Variants in RBFOX1 observed in about 807,000 individuals in gnomAD.
The protein encoded by RBFOX1 is RNA binding fox-1 homolog 1.
In RBFOX1, 8 loss-of-function variants were observed where a neutral mutation model predicts 57.7. The ratio of observed to expected loss-of-function variants is 0.14; its 90% CI spans 0.08 to 0.25. The LOEUF (loss-of-function observed/expected upper bound fraction) is 0.25. Among genes scored for constraint, RBFOX1 ranks in the 10% least tolerant of loss-of-function variants. RBFOX1 has a pLI of 1.00. For missense variants in RBFOX1, 611 were observed against 548.5 expected (o/e 1.11, Z -1.14); for synonymous variants, 326 against 222.4 (o/e 1.47, Z -4.15).
downstream of RBFOX1, among the ~76,000 whole-genome samples, chr16:5,604,080 A>G (rs975030934): frequency 2.0e-5 from 3 of 152,172 alleles, no homozygotes; most frequent in African/African-American, 7.2e-5. Context: ...CTCCCCTTCT[A>G]TAGCCAAGGC....
intron 1 of RBFOX1, among the ~76,000 whole-genome samples, chr16:6,304,963 C>A (rs2152749677): frequency 6.7e-6 from 1 of 149,218 alleles, no homozygotes; most frequent in East Asian, 2.0e-4. Flanking sequence ...CCAATGACAA[C>A]AATCAACAGA....
chr16:6,101,709 G>C (rs112231088), intron 1 of RBFOX1, among the ~76,000 whole-genome samples: 8,689 of 152,214 alleles, frequency 0.057, 779 homozygotes, highest in African/African-American at 0.2. Context: ...ATCACCTGAG[G>C]TCAGGAATTT....
chr16:6,175,571 A>G (rs1258846656), intron 1 of RBFOX1, among the ~76,000 whole-genome samples: 3 of 152,144 alleles, frequency 2.0e-5, no homozygotes, highest in African/African-American at 7.2e-5. Flanking sequence ...TGTGCATAGC[A>G]CCTAGTAATA....
At chr16:6,942,456 G>C (rs548205696) in intron 3 of RBFOX1, among the ~76,000 whole-genome samples, 1 of 152,218 alleles carries the variant, frequency 6.6e-6, no homozygotes, top group South Asian at 2.1e-4. Context: ...ATTGTGCCCA[G>C]CCAGGATGAG....
chr16:5,993,705 A>C (rs1239797902), intron 4 of RBFOX1, among the ~76,000 whole-genome samples: 1 of 152,162 alleles, frequency 6.6e-6, no homozygotes, highest in Admixed American at 6.5e-5. Context: ...GCATTAATTA[A>C]TATCATTTGA....
intron 4 of RBFOX1, among the ~76,000 whole-genome samples, chr16:6,009,480 T>A (rs2094947200): frequency 6.6e-6 from 1 of 152,168 alleles, no homozygotes; most frequent in Admixed American, 6.5e-5. Context: ...TCCAGGGACT[T>A]AGAAATGGCA....
intron 2 of RBFOX1, among the ~76,000 whole-genome samples, chr16:6,536,785 A>C (rs915654014): frequency 6.6e-6 from 1 of 152,206 alleles, no homozygotes; most frequent in Non-Finnish European, 1.5e-5. Flanking sequence ...ACAAGAAGTT[A>C]GTAACATTGA....
At chr16:5,528,731 C>G (rs975973499) in intron 2 of RBFOX1, among the ~76,000 whole-genome samples, 2 of 151,666 alleles carry the variant, frequency 1.3e-5, no homozygotes, top group African/African-American at 4.8e-5. Flanking sequence ...CTCACTGCAA[C>G]CTCCACCTCC....
At chr16:5,978,069 ACTTGCAGG>A in intron 4 of RBFOX1, among the ~76,000 whole-genome samples, 1 of 138,624 alleles carries the variant, frequency 7.2e-6, no homozygotes, top group Non-Finnish European at 1.5e-5. Flanking sequence ...TGGAAGGATC[ACTTGCAGG>A]GCAGGAGTTT....
At chr16:6,675,562 C>T (rs537467627) in intron 3 of RBFOX1, among the ~76,000 whole-genome samples, 1 of 152,104 alleles carries the variant, frequency 6.6e-6, no homozygotes, top group Non-Finnish European at 1.5e-5. Context: ...AGTCTGTTTT[C>T]ACACTGCTGA....
Position 5,509,724 on chromosome 16 carries a change from C to T in RBFOX1, c.258+42470C>T, listed in dbSNP as rs1384466141. Among the ~76,000 whole-genome samples, 3 of 152,144 alleles carry T rather than the reference C, an allele frequency of 2.0e-5. No homozygotes were observed. In the East Asian group the frequency reaches 5.8e-4, roughly 29 times the overall value. On this transcript the variant is annotated intron_variant, in intron 2 of 2. Transcript: ENST00000585867. ...GATGGAGGAGGGAGAGCTTTCGGGGCTTGGGCCAGGCGTGGACGTTAAGGC... is the reference window on the plus strand; with the variant it reads ...GATGGAGGAGGGAGAGCTTTCGGGGTTTGGGCCAGGCGTGGACGTTAAGGC...
intron 1 of RBFOX1, among the ~76,000 whole-genome samples, chr16:6,119,929 T>C (rs980823260): frequency 4.6e-5 from 7 of 152,222 alleles, no homozygotes; most frequent in Non-Finnish European, 7.3e-5. Context: ...CAGTAAGCAG[T>C]CACTCTTATT....
intron 3 of RBFOX1, among the ~76,000 whole-genome samples, chr16:5,637,502 C>T (rs881006): frequency 0.079 from 12,082 of 152,214 alleles, 1,021 homozygotes; most frequent in East Asian, 0.37. Flanking sequence ...AAGCTAATGT[C>T]TATAATGTGC....
rs962844654 is a variant in RBFOX1 at position 5,674,401 on chromosome 16, T to C, written c.318+75440T>C. On this transcript the variant is annotated intron_variant, in intron 3 of 19. Transcript: ENST00000641259. The stretch of plus-strand genomic sequence containing the variant: ...GTTTGCAAGTGGGGGAGCTGAAGTT[T>C]AGTGAGGTAGGGGTAACATGCCCGG... 2.3e-4 allele frequency among the ~76,000 whole-genome samples: 35 copies of C among 152,144 alleles called. 1 individual carries two copies. Among genetic ancestry groups the C allele is most frequent in the Admixed American group, 2.1e-3 (32 of 15,274 alleles).
In RBFOX1 at chr16:5,372,226, G is replaced by C. The variant is rs529705467; in HGVS notation, c.220-94990G>C. On this transcript the variant is annotated intron_variant, in intron 1 of 2. Transcript: ENST00000585867. The stretch of plus-strand genomic sequence containing the variant: ...GCCAGCTGGGATGTTGTTCTGTCTC[G>C]GAAGGGTTTCACGGGTCCACTGCAA... Among the ~76,000 whole-genome samples, 65 of 152,148 alleles carry C rather than the reference G, an allele frequency of 4.3e-4. 1 individual carries two copies. Among genetic ancestry groups the C allele is most frequent in the Non-Finnish European group, 8.8e-5 (6 of 68,024 alleles).
chr16:5,758,974 G>C (rs1325404375), intron 3 of RBFOX1, among the ~76,000 whole-genome samples: 1 of 152,138 alleles, frequency 6.6e-6, no homozygotes, highest in Non-Finnish European at 1.5e-5. Flanking sequence ...TGATACATTG[G>C]GAAGACACCA....
At chr16:5,410,860 G>C (rs906430150) in intron 1 of RBFOX1, among the ~76,000 whole-genome samples, 2 of 152,202 alleles carry the variant, frequency 1.3e-5, no homozygotes, top group African/African-American at 4.8e-5. Flanking sequence ...ATATACGCAT[G>C]GATTTAAATC....
At chr16:5,596,583 G>C (rs1317437099) in intron 2 of RBFOX1, among the ~76,000 whole-genome samples, 1 of 152,178 alleles carries the variant, frequency 6.6e-6, no homozygotes, top group Non-Finnish European at 1.5e-5. Context: ...CTCAAAGAAA[G>C]GACCAGGCTG....
At chr16:7,200,356 A>G (rs561875719) in intron 4 of RBFOX1, among the ~76,000 whole-genome samples, 12 of 152,208 alleles carry the variant, frequency 7.9e-5, no homozygotes, top group African/African-American at 9.6e-5. Flanking sequence ...CCTGAATGTG[A>G]CAGGAAGCAC....
Sources: gnomAD v4.1 joint callset for allele counts (sites outside exome capture counted in the v4.1 genomes callset) on GRCh38, gnomAD v4.1.1 for gene constraint, MANE v1.5 for transcripts, NCBI Gene and HGNC (gene_info 2026-07-23, HGNC 2026-07-21) for gene names.